The following KIAA1217 variants were observed in gnomAD, a reference collection of about 807,000 sequenced individuals.
The protein encoded by KIAA1217 is KIAA1217.
KIAA1217 carries 88 observed loss-of-function variants against 163.9 expected under a neutral mutation model. The ratio of observed to expected loss-of-function variants is 0.54; its 90% CI spans 0.45 to 0.64. The LOEUF (loss-of-function observed/expected upper bound fraction) is 0.64, where lower values mean the gene tolerates loss of function less well. Ranked by LOEUF, KIAA1217 falls within the 30% of genes least tolerant of loss-of-function variation. The probability of loss-of-function intolerance (pLI) is 0.00; values close to 1 mark genes in which losing one functional copy is unlikely to be tolerated. For synonymous variants in KIAA1217, 903 were observed against 923.1 expected (o/e 0.98, Z 0.39); for missense variants, 2,372 against 2,475.0 (o/e 0.96, Z 0.88).
chr10:24,398,655 G>A (rs2056146399), intron 3 of KIAA1217, among the ~76,000 whole-genome samples: 1 of 152,094 alleles, frequency 6.6e-6, no homozygotes, highest in Non-Finnish European at 1.5e-5. Context: ...CAGGGGTCTT[G>A]TGTCCTTTTT....
intron 10 of KIAA1217, 127 bp downstream of exon 10, chr10:24,513,561 T>TA (rs1592562425): frequency 2.4e-6 from 2 of 842,922 alleles, no homozygotes; most frequent in East Asian, 5.3e-5. Context: ...GTGTAAAAGT[T>TA]AGAGTTCTGC....
intron 2 of KIAA1217, among the ~76,000 whole-genome samples, chr10:24,312,829 C>T (rs2042881414): frequency 6.6e-6 from 1 of 151,916 alleles, no homozygotes. Context: ...GTGGGAGGAT[C>T]ACTTGAGACT....
chr10:23,697,205 GATA>G (rs1836103739), intron 1 of KIAA1217, among the ~76,000 whole-genome samples: 1 of 152,268 alleles, frequency 6.6e-6, no homozygotes, highest in African/African-American at 2.4e-5. Context: ...TGGCTGTGTT[GATA>G]ATAAGATGAT....
At chr10:24,502,240 CTT>C (rs772404852) in intron 9 of KIAA1217, among the ~76,000 whole-genome samples, 7,858 of 80,538 alleles carry the variant, frequency 0.098, 185 homozygotes, top group African/African-American at 0.18. Context: ...GTCAGCCAAG[CTT>C]TTTTTTTTTT....
intron 1 of KIAA1217, among the ~76,000 whole-genome samples, chr10:23,923,862 A>G (rs940921433): frequency 6.6e-6 from 1 of 152,168 alleles, no homozygotes; most frequent in African/African-American, 2.4e-5. Context: ...TAAATTGGAT[A>G]TTATTTGTTG....
At chr10:24,346,301 TA>T (rs1266273513) in intron 2 of KIAA1217, among the ~76,000 whole-genome samples, 1 of 151,872 alleles carries the variant, frequency 6.6e-6, no homozygotes, top group African/African-American at 2.4e-5. Flanking sequence ...CTGTCTCTAC[TA>T]AAAAACAAAA....
chr10:24,350,224 T>C (rs2133996634), intron 2 of KIAA1217, among the ~76,000 whole-genome samples: 1 of 152,324 alleles, frequency 6.6e-6, no homozygotes, highest in East Asian at 1.9e-4. Flanking sequence ...CTGCAGATGC[T>C]TCCTGGTTTT....
At chr10:23,882,815 A>G (rs1258119485) in intron 1 of KIAA1217, among the ~76,000 whole-genome samples, 1 of 151,960 alleles carries the variant, frequency 6.6e-6, no homozygotes, top group African/African-American at 2.4e-5. Flanking sequence ...ATGGAGATTG[A>G]AAAATATTTA....
intron 1 of KIAA1217, among the ~76,000 whole-genome samples, chr10:23,715,283 G>C (rs1386843080): frequency 6.6e-6 from 1 of 152,178 alleles, no homozygotes; most frequent in Non-Finnish European, 1.5e-5. Flanking sequence ...TTTCCCTAGT[G>C]GGGGATGGAA....
chr10:24,288,420 A>G (rs148399083), intron 2 of KIAA1217, among the ~76,000 whole-genome samples: 2,388 of 152,300 alleles, frequency 0.016, 43 homozygotes, highest in Non-Finnish European at 0.019. Flanking sequence ...TTTTATCTGA[A>G]TCCTATTCTT....
At chr10:24,405,947 T>C (rs2131214604) in intron 3 of KIAA1217, among the ~76,000 whole-genome samples, 1 of 152,346 alleles carries the variant, frequency 6.6e-6, no homozygotes, top group South Asian at 2.1e-4. Flanking sequence ...TTACATTTTA[T>C]AGAATGAAAT....
At chr10:24,421,049 G>T (rs922884036) in intron 3 of KIAA1217, among the ~76,000 whole-genome samples, 2 of 152,140 alleles carry the variant, frequency 1.3e-5, no homozygotes, top group Non-Finnish European at 2.9e-5. Flanking sequence ...CTGTCACCCA[G>T]GCTGGAGTGC....
At chr10:24,317,676 C>T (rs996648176) in intron 2 of KIAA1217, among the ~76,000 whole-genome samples, 1 of 152,050 alleles carries the variant, frequency 6.6e-6, no homozygotes, top group African/African-American at 2.4e-5. Flanking sequence ...TCTGGAACTC[C>T]AGAATACAAT....
At chr10:23,750,461 C>T (rs1336458355) in intron 1 of KIAA1217, among the ~76,000 whole-genome samples, 1 of 152,124 alleles carries the variant, frequency 6.6e-6, no homozygotes, top group African/African-American at 2.4e-5. Flanking sequence ...CTCTCTTTAA[C>T]CTCCTCTTCA....
intron 2 of KIAA1217, among the ~76,000 whole-genome samples, chr10:24,334,456 G>C (rs2046088623): frequency 6.7e-6 from 1 of 148,578 alleles, no homozygotes; most frequent in Non-Finnish European, 1.5e-5. Flanking sequence ...AGGAAGGAAG[G>C]AAGGAAGGAA....
chr10:23,821,100 T>TGTGC (rs748398075), intron 1 of KIAA1217, among the ~76,000 whole-genome samples: 1 of 131,098 alleles, frequency 7.6e-6, no homozygotes, highest in South Asian at 2.4e-4. Flanking sequence ...CAGCTGTGTG[T>TGTGC]GTGCGTGTGT....
intron 1 of KIAA1217, among the ~76,000 whole-genome samples, chr10:23,727,818 C>T (rs190604386): frequency 6.6e-6 from 1 of 152,196 alleles, no homozygotes; most frequent in African/African-American, 2.4e-5. Flanking sequence ...TCCCGATGGG[C>T]CCTTGTGTGT....
chr10:23,841,179 C>A (rs1314273774), intron 1 of KIAA1217, among the ~76,000 whole-genome samples: 2 of 152,112 alleles, frequency 1.3e-5, no homozygotes, highest in African/African-American at 4.8e-5. Context: ...AAATTTAGGA[C>A]TATTTGGCAA....
At chr10:23,842,615 C>G (rs1024372524) in intron 1 of KIAA1217, among the ~76,000 whole-genome samples, 2 of 152,054 alleles carry the variant, frequency 1.3e-5, no homozygotes, top group Non-Finnish European at 2.9e-5. Flanking sequence ...CTTCAAAACT[C>G]ATGTTCTTAA....
Sources: allele counts gnomAD v4.1 joint callset (sites outside exome capture counted in the v4.1 genomes callset), GRCh38; gene constraint gnomAD v4.1.1; transcripts MANE v1.5; gene names NCBI Gene and HGNC (gene_info 2026-07-23, HGNC 2026-07-21).